Variants in FGGY observed in about 807,000 individuals in gnomAD.
The protein encoded by FGGY is FGGY carbohydrate kinase domain containing.
In FGGY, 72 loss-of-function variants were observed where a neutral mutation model predicts 71.3. The ratio of observed to expected loss-of-function variants is 1.01; its 90% CI spans 0.84 to 1.23. The LOEUF is 1.23. Ranked by LOEUF, FGGY falls within the 50% of genes most tolerant of loss-of-function variation. FGGY has a pLI of 0.00. For missense variants in FGGY, 668 were observed against 682.3 expected, an observed-to-expected ratio of 0.98 and a Z score of 0.23; for synonymous variants, 251 against 250.3, an observed-to-expected ratio of 1.00 and a Z score of -0.02.
At chr1:59,567,824 C>T (rs1241004974) in intron 8 of FGGY, among the ~76,000 whole-genome samples, 1 of 150,808 alleles carries the variant, frequency 6.6e-6, no homozygotes, top group East Asian at 1.9e-4. Flanking sequence ...GTTTCATTCT[C>T]CTGATAAAAA....
intron 14 of FGGY, among the ~76,000 whole-genome samples, chr1:59,712,073 A>G (rs1038675164): frequency 2.6e-5 from 4 of 152,246 alleles, no homozygotes; most frequent in African/African-American, 9.6e-5. Flanking sequence ...CTTCCTAGAT[A>G]CAATGGGGAT....
At chr1:59,757,492 G>T (rs1437247188) in intron 14 of FGGY, among the ~76,000 whole-genome samples, 1 of 152,218 alleles carries the variant, frequency 6.6e-6, no homozygotes, top group Non-Finnish European at 1.5e-5. Context: ...TTATCCTCAA[G>T]TACAGGTGCG....
intron 6 of FGGY, among the ~76,000 whole-genome samples, chr1:59,490,312 G>A (rs2093788628): frequency 6.6e-6 from 1 of 152,134 alleles, no homozygotes; most frequent in Admixed American, 6.5e-5. Flanking sequence ...AGCCTCCTAA[G>A]TCTCTGAGAT....
At chr1:59,739,396 A>G (rs969614713) in intron 14 of FGGY, among the ~76,000 whole-genome samples, 6 of 152,206 alleles carry the variant, frequency 3.9e-5, no homozygotes, top group Admixed American at 3.9e-4. Context: ...CTATCTGGCC[A>G]TATGTAAAAA....
intron 14 of FGGY, among the ~76,000 whole-genome samples, chr1:59,731,085 G>A (rs982139583): frequency 9.9e-5 from 15 of 152,200 alleles, no homozygotes; most frequent in African/African-American, 3.6e-4. Context: ...GACTAAGCAC[G>A]ACTCAGAGTC....
At chr1:59,669,540 C>CTTT (rs58004594) in intron 13 of FGGY, among the ~76,000 whole-genome samples, 40 of 102,504 alleles carry the variant, frequency 3.9e-4, no homozygotes, top group African/African-American at 1.3e-3. Context: ...TTCTAGACTT[C>CTTT]TTTTTTTTTT....
intron 5 of FGGY, among the ~76,000 whole-genome samples, chr1:59,414,773 A>G (rs1396537049): frequency 2.6e-5 from 4 of 152,170 alleles, no homozygotes; most frequent in Admixed American, 6.5e-5. Context: ...CCTTTGGTGG[A>G]GAGCTGCAGC....
At chr1:59,524,581 C>T (rs537179614) in intron 7 of FGGY, among the ~76,000 whole-genome samples, 1 of 152,312 alleles carries the variant, frequency 6.6e-6, no homozygotes, top group African/African-American at 2.4e-5. Flanking sequence ...CAGTCAGACA[C>T]GGACAGACTC....
At chr1:59,682,621 A>G (rs899816324) in intron 14 of FGGY, among the ~76,000 whole-genome samples, 1 of 152,150 alleles carries the variant, frequency 6.6e-6, no homozygotes, top group African/African-American at 2.4e-5. Flanking sequence ...TGTTAACCCT[A>G]TTCTCCCTCT....
At chr1:59,761,745 A>G (rs1211960741) in intron 15 of FGGY, among the ~76,000 whole-genome samples, 1 of 152,206 alleles carries the variant, frequency 6.6e-6, no homozygotes, top group Non-Finnish European at 1.5e-5. Context: ...ACAGCTCTAG[A>G]AAAGGCATTA....
intron 7 of FGGY, among the ~76,000 whole-genome samples, chr1:59,521,696 C>T (rs758108730): frequency 2.6e-5 from 4 of 152,136 alleles, no homozygotes; most frequent in African/African-American, 4.8e-5. Context: ...AAAGTTACCC[C>T]AGCATATTAC....
intron 11 of FGGY, among the ~76,000 whole-genome samples, chr1:59,653,148 C>G (rs990303204): frequency 6.6e-6 from 1 of 152,210 alleles, no homozygotes; most frequent in African/African-American, 2.4e-5. Context: ...AACCACTGCT[C>G]TCTTCAAAGC....
intron 8 of FGGY, among the ~76,000 whole-genome samples, chr1:59,587,651 T>C (rs1275475954): frequency 1.3e-5 from 2 of 152,180 alleles, no homozygotes; most frequent in African/African-American, 4.8e-5. Context: ...TAATCCCCTG[T>C]TCTGCAGCCA....
At chr1:59,697,524 G>A (rs1287273759) in intron 14 of FGGY, 3 of 469,136 alleles carry the variant, frequency 6.4e-6, no homozygotes, top group African/African-American at 6.1e-5. Context: ...GCACGTATCA[G>A]AATTTCCTTC....
chr1:59,747,031 A>G (rs999273787), intron 14 of FGGY, among the ~76,000 whole-genome samples: 10 of 152,150 alleles, frequency 6.6e-5, no homozygotes, highest in Non-Finnish European at 2.9e-5. Context: ...TGCCATTATA[A>G]TTATTGTTAT....
chr1:59,599,328 C>G (rs2096553937), intron 8 of FGGY, among the ~76,000 whole-genome samples: 1 of 147,824 alleles, frequency 6.8e-6, no homozygotes, highest in Admixed American at 6.7e-5. Context: ...GGTCTCAGAA[C>G]TCCTGACCTC....
intron 8 of FGGY, among the ~76,000 whole-genome samples, chr1:59,588,581 A>G (rs1243548352): frequency 6.6e-6 from 1 of 152,222 alleles, no homozygotes; most frequent in African/African-American, 2.4e-5. Flanking sequence ...TCAGACTAAC[A>G]GCAGATCTCT....
intron 14 of FGGY, among the ~76,000 whole-genome samples, chr1:59,718,785 A>G (rs187460287): frequency 7.8e-4 from 119 of 152,262 alleles, no homozygotes; most frequent in African/African-American, 2.8e-3. Flanking sequence ...ACCTTGCACT[A>G]CAAAGGCCCC....
At chr1:59,584,538 C>A (rs1571634610) in intron 8 of FGGY, among the ~76,000 whole-genome samples, 1 of 149,866 alleles carries the variant, frequency 6.7e-6, no homozygotes. Flanking sequence ...TAAGACCTAT[C>A]TATGACAAAC....
Sources: allele counts gnomAD v4.1 joint callset (sites outside exome capture counted in the v4.1 genomes callset), GRCh38; gene constraint gnomAD v4.1.1; transcripts MANE v1.5; gene names NCBI Gene and HGNC (gene_info 2026-07-23, HGNC 2026-07-21).